Variants in CAPZA2 observed in about 807,000 individuals in gnomAD.
CAPZA2 encodes F-actin-capping protein subunit alpha-2.
Under a neutral mutation model 44.0 loss-of-function variants are expected in CAPZA2, and 13 were observed. That is an observed-to-expected ratio of 0.30 (90% CI 0.19 to 0.47). The LOEUF (loss-of-function observed/expected upper bound fraction) is 0.47, where lower values mean the gene tolerates loss of function less well. Among genes scored for constraint, CAPZA2 ranks in the 20% least tolerant of loss-of-function variants. CAPZA2 has a pLI of 1.00. For missense variants in CAPZA2, 244 were observed against 338.6 expected, an observed-to-expected ratio of 0.72 and a Z score of 2.19; for synonymous variants, 94 against 108.2, an observed-to-expected ratio of 0.87 and a Z score of 0.81.
rs371756021 is a variant in CAPZA2, at chr7:116,913,370, A to G, written c.657+1230A>G. ...GAGATCTACTCCAGTGTTTTCTTCT[A>G]AAAGTATTATATAATAGTTTTAGCT... On this transcript the variant is annotated intron_variant, in intron 8 of 9. Transcript: ENST00000361183. Among the ~76,000 whole-genome samples the G allele has an allele frequency of 8.5e-5, 13 of 152,256 alleles. No homozygotes were observed. In the East Asian group the frequency reaches 1.3e-3, roughly 16 times the overall value.
intron 1 of CAPZA2, among the ~76,000 whole-genome samples, chr7:116,881,439 A>T (rs1796697197): frequency 6.6e-6 from 1 of 152,120 alleles, no homozygotes; most frequent in Admixed American, 6.5e-5. Flanking sequence ...TCTTTTACAA[A>T]ACTACAGTAC....
At chr7:116,898,960 C>A in intron 4 of CAPZA2, 125 bp downstream of exon 4, 2 of 483,830 alleles carry the variant, frequency 4.1e-6, no homozygotes, top group Non-Finnish European at 7.3e-6. Context: ...CACTTATGGG[C>A]AAAGTAATTG....
At chr7:116,898,430 G>A (rs947728356) in intron 3 of CAPZA2, among the ~76,000 whole-genome samples, 1 of 151,968 alleles carries the variant, frequency 6.6e-6, no homozygotes. Context: ...ACAGCACCTA[G>A]TCTGTTTCCT....
intron 4 of CAPZA2, among the ~76,000 whole-genome samples, chr7:116,899,820 G>A (rs1432278673): frequency 6.6e-6 from 1 of 151,364 alleles, no homozygotes; most frequent in African/African-American, 2.4e-5. Context: ...TATGAACCTA[G>A]TGTAATTTTA....
At chr7:116,904,101 A>G in intron 4 of CAPZA2, 76 bp from the exon 5 acceptor site, 5 of 838,610 alleles carry the variant, frequency 6.0e-6, no homozygotes, top group Non-Finnish European at 9.7e-6. Context: ...AGAAGCTTAA[A>G]TGAGTGTAAT....
chr7:116,903,023 A>G (rs1797016036), intron 4 of CAPZA2, among the ~76,000 whole-genome samples: 1 of 152,102 alleles, frequency 6.6e-6, no homozygotes, highest in African/African-American at 2.4e-5. Context: ...TTATTTCACC[A>G]TTTTTAATGT....
intron 8 of CAPZA2, among the ~76,000 whole-genome samples, chr7:116,912,999 T>C (rs371056723): frequency 6.6e-6 from 1 of 152,224 alleles, no homozygotes; most frequent in Non-Finnish European, 1.5e-5. Context: ...TAGTGTCTTA[T>C]TGTGGTTTTT....
intron 2 of CAPZA2, among the ~76,000 whole-genome samples, chr7:116,891,251 G>T (rs569337828): frequency 6.6e-6 from 1 of 152,248 alleles, no homozygotes; most frequent in African/African-American, 2.4e-5. Context: ...CTGACAAATA[G>T]ATCTTGTTTT....
intron 1 of CAPZA2, among the ~76,000 whole-genome samples, chr7:116,885,746 G>C (rs1796753856): frequency 6.6e-6 from 1 of 152,156 alleles, no homozygotes; most frequent in Admixed American, 6.5e-5. Flanking sequence ...GAGGTATGGA[G>C]GAGGGGATCA....
In CAPZA2 at chr7:116,904,969, T is replaced by TTAAAAAAA. The variant is rs758823766; in HGVS notation, c.426+586_426+587insTAAAAAAA. ...AGCATGGTGAAACCCTGTCTCTACTTAAAAAAAAAAAAAAAAAAAACAATT... is the reference window on the plus strand; with the variant it reads ...AGCATGGTGAAACCCTGTCTCTACTTTAAAAAAAAAAAAAAAAAAAAAAAAAAACAATT... On this transcript the variant is annotated intron_variant, in intron 5 of 9. Coordinates refer to ENST00000361183, the MANE Select transcript of CAPZA2 (RefSeq NM_006136.3). 1.0e-4 allele frequency among the ~76,000 whole-genome samples: 10 copies of TTAAAAAAA among 95,604 alleles called. No homozygotes were observed. In the East Asian group the frequency reaches 3.0e-3, roughly 29 times the overall value. The allele number at this position is 95,604 out of a possible 152,430, so 62.7% of individuals were successfully genotyped here.
chr7:116,880,212 G>A (rs1585004086), intron 1 of CAPZA2: 2 of 416,692 alleles, frequency 4.8e-6, no homozygotes, highest in East Asian at 1.4e-4. Flanking sequence ...TTATTATAAA[G>A]TCTAAACTAG....
chr7:116,885,133 T>C (rs1235474390), intron 1 of CAPZA2, among the ~76,000 whole-genome samples: 1 of 152,228 alleles, frequency 6.6e-6, no homozygotes, highest in Non-Finnish European at 1.5e-5. Flanking sequence ...TAAAAATCCT[T>C]TGTTGAATAT....
At chr7:116,889,608 A>C (rs2115922619) in intron 2 of CAPZA2, among the ~76,000 whole-genome samples, 1 of 152,194 alleles carries the variant, frequency 6.6e-6, no homozygotes, top group African/African-American at 2.4e-5. Context: ...ACCTCAGAAA[A>C]GATTAGTTTT....
chr7:116,880,116 A>G (rs1182057197), intron 1 of CAPZA2: 3 of 469,980 alleles, frequency 6.4e-6, no homozygotes, highest in South Asian at 4.7e-5. Flanking sequence ...GGGCCTGGAA[A>G]GTTGGCCAAT....
chr7:116,867,582 CT>C (rs67944722), intron 1 of CAPZA2, among the ~76,000 whole-genome samples: 62,019 of 114,640 alleles, frequency 0.54, 14,785 homozygotes, highest in East Asian at 0.73. Flanking sequence ...ATTTCTCTCT[CT>C]TTTTTTTTTT....
intron 1 of CAPZA2, among the ~76,000 whole-genome samples, chr7:116,883,417 A>G (rs1199311113): frequency 6.6e-6 from 1 of 152,248 alleles, no homozygotes; most frequent in African/African-American, 2.4e-5. Flanking sequence ...TTAGGAAAAC[A>G]GTCAAAACTT....
intron 8 of CAPZA2, among the ~76,000 whole-genome samples, chr7:116,913,552 T>G (rs1791624265): frequency 6.6e-6 from 1 of 152,120 alleles, no homozygotes; most frequent in Non-Finnish European, 1.5e-5. Flanking sequence ...CTCCACAGAA[T>G]TCTTTCACAC....
At position 116,881,607 on chromosome 7, in the gene CAPZA2, T is replaced by C. The variant is rs549390295; in HGVS notation, c.40-6520T>C. Among the ~76,000 whole-genome samples the C allele has an allele frequency of 7.6e-3, 1,147 of 151,194 alleles. 27 individuals are homozygous for C. The highest frequency in any genetic ancestry group is 0.043 in the Admixed American group (660 of 15,198). On this transcript the variant is annotated intron_variant, in intron 1 of 9. Transcript: ENST00000361183. ...ACAAAAAATTAGCCGGGCGTGGTGG[T>C]GGGTGCCTGTAGTCCCAGCTACTTG...
chr7:116,878,959 C>T (rs1484354640), intron 1 of CAPZA2, among the ~76,000 whole-genome samples: 3 of 151,918 alleles, frequency 2.0e-5, no homozygotes, highest in South Asian at 4.1e-4. Flanking sequence ...AACCCCATCT[C>T]TGCTAAAAAT....
Sources: allele counts gnomAD v4.1 joint callset (sites outside exome capture counted in the v4.1 genomes callset), GRCh38; gene constraint gnomAD v4.1.1; transcripts MANE v1.5; gene names NCBI Gene and HGNC (gene_info 2026-07-23, HGNC 2026-07-21).